Variants in ST8SIA6 observed in about 807,000 individuals in gnomAD.
The protein encoded by ST8SIA6 is ST8 alpha-N-acetyl-neuraminide alpha-2,8-sialyltransferase 6.
A neutral mutation model predicts 33.6 loss-of-function variants in ST8SIA6; 39 were observed. The observed-to-expected ratio is 1.16, with a 90% confidence interval of 0.90 to 1.52. The LOEUF (loss-of-function observed/expected upper bound fraction) is 1.52. ST8SIA6 is among the 40% of genes most tolerant of loss of function. ST8SIA6 has a pLI of 0.00. For synonymous variants in ST8SIA6, 172 were observed against 167.2 expected (o/e 1.03, Z -0.22); for missense variants, 441 against 443.8 (o/e 0.99, Z 0.06).
intron 2 of ST8SIA6, chr10:17,409,856 C>G (rs1851393461): frequency 6.5e-6 from 1 of 152,708 alleles, no homozygotes; most frequent in South Asian, 2.1e-4. Flanking sequence ...GCCTGGACAA[C>G]AAGAGCGAAA....
intron 2 of ST8SIA6, among the ~76,000 whole-genome samples, chr10:17,412,725 A>C (rs1259166238): frequency 6.6e-6 from 1 of 152,226 alleles, no homozygotes; most frequent in Non-Finnish European, 1.5e-5. Context: ...AAAAGTATAT[A>C]TGGTAATATA....
chr10:17,376,266 A>G (rs1588857815), intron 3 of ST8SIA6, among the ~76,000 whole-genome samples: 2 of 152,334 alleles, frequency 1.3e-5, no homozygotes, highest in East Asian at 1.9e-4. Context: ...GGAAGGAACC[A>G]GTATCCCTGA....
intron 2 of ST8SIA6, among the ~76,000 whole-genome samples, chr10:17,406,266 A>G (rs923084869): frequency 6.6e-6 from 1 of 152,142 alleles, no homozygotes; most frequent in Non-Finnish European, 1.5e-5. Context: ...CAGGATGTAA[A>G]TTCTCCTTTA....
intron 2 of ST8SIA6, among the ~76,000 whole-genome samples, chr10:17,398,122 T>TTCAAGCCCAGGCTTGTCAACATGG (rs1339014810): frequency 2.7e-5 from 4 of 150,116 alleles, no homozygotes; most frequent in Non-Finnish European, 5.9e-5. Flanking sequence ...AGGTCAGGAG[T>TTCAAGCCCAGGCTTGTCAACATGG]TCAAGCCCAG....
At chr10:17,453,537 C>T (rs895548941) in intron 2 of ST8SIA6, 22 bp downstream of exon 2, 1 of 1,284,428 alleles carries the variant, frequency 7.8e-7, no homozygotes. Flanking sequence ...CCCCAGTCCG[C>T]CCGCGCTGGG....
At chr10:17,335,689 A>G (rs1284410990) in intron 4 of ST8SIA6, among the ~76,000 whole-genome samples, 1 of 152,246 alleles carries the variant, frequency 6.6e-6, no homozygotes, top group African/African-American at 2.4e-5. Context: ...TGTGTAGTCA[A>G]AAACATGATA....
At chr10:17,371,286 G>C (rs1849723565) in intron 3 of ST8SIA6, among the ~76,000 whole-genome samples, 1 of 152,184 alleles carries the variant, frequency 6.6e-6, no homozygotes, top group African/African-American at 2.4e-5. Context: ...TTCCAGGAAA[G>C]CTCTGACTGG....
intron 4 of ST8SIA6, among the ~76,000 whole-genome samples, chr10:17,345,860 C>A (rs983652239): frequency 6.6e-6 from 1 of 152,158 alleles, no homozygotes; most frequent in Non-Finnish European, 1.5e-5. Context: ...GGCAATGACA[C>A]AGTGTTGCAG....
intron 2 of ST8SIA6, among the ~76,000 whole-genome samples, chr10:17,415,224 A>G (rs572933617): frequency 1.3e-5 from 2 of 152,342 alleles, no homozygotes; most frequent in South Asian, 4.1e-4. Context: ...TGGGACTCAG[A>G]AAATGAAAGC....
chr10:17,388,517 G>A (rs1384161247), intron 3 of ST8SIA6, among the ~76,000 whole-genome samples: 4 of 152,192 alleles, frequency 2.6e-5, no homozygotes, highest in Non-Finnish European at 4.4e-5. Flanking sequence ...GTGTGTGAGA[G>A]AGAGAGAAAG....
intron 4 of ST8SIA6, among the ~76,000 whole-genome samples, chr10:17,358,655 G>A (rs916312115): frequency 2.1e-4 from 15 of 71,462 alleles, no homozygotes; most frequent in Admixed American, 1.7e-3. Flanking sequence ...AAAAGAATAA[G>A]GAGGAGGAGG....
rs1233038716 is a variant in ST8SIA6, at chr10:17,321,285, C to A, written c.790G>T (p.Ala264Ser). 1 of 1,613,820 alleles carries A rather than the reference C, an allele frequency of 6.2e-7. No homozygotes were observed. Among genetic ancestry groups the A allele is most frequent in the Non-Finnish European group, 8.5e-7 (1 of 1,179,924 alleles). ...FLEDIATYGD[A>S]FFLLPAFSFR... ...GAAAATGCTGGCAGAAGAAAAAATG[C>A]ATCTCCATAGGTTGCAATGTCCTCC... is the stretch of plus-strand genomic sequence containing the variant. The change falls in exon 8 of 8, where the codon GCA becomes TCA. Residue 264 changes from alanine to serine, a missense_variant. By Grantham distance (99) the Ala-to-Ser change is moderately conservative (BLOSUM62 1). Coordinates refer to ENST00000377602, the MANE Select transcript of ST8SIA6 (RefSeq NM_001004470.3).
At chr10:17,398,266 G>T (rs767377511) in intron 2 of ST8SIA6, among the ~76,000 whole-genome samples, 35 of 151,990 alleles carry the variant, frequency 2.3e-4, no homozygotes, top group Non-Finnish European at 4.7e-4. Context: ...GGCAGAGGTT[G>T]CAGTGAGCCG....
Position 17,321,218 on chromosome 10 carries a change from G to A in ST8SIA6, c.857C>T (p.Thr286Met), listed in dbSNP as rs143125437. The A allele has an allele frequency of 1.5e-4, 235 of 1,614,002 alleles. No homozygotes were observed. The highest frequency in any genetic ancestry group is 1.1e-3 in the South Asian group (102 of 91,072). The stretch of plus-strand genomic sequence containing the variant: ...TTGTCTTGCTTTAGACTCTTCGAGC[G>A]TGTAGTATACTTTGAAAGAGGTACC... ...NTGTSFKVYY[T>M]LEESKARQKV... Residue 286 changes from threonine to methionine, a missense_variant, in exon 8 of 8, where the codon ACG becomes ATG. Physicochemically the swap from Thr to Met is moderately conservative, Grantham distance 81. Transcript: ENST00000377602.
At chr10:17,407,516 A>G (rs1344860582) in intron 2 of ST8SIA6, among the ~76,000 whole-genome samples, 1 of 152,162 alleles carries the variant, frequency 6.6e-6, no homozygotes, top group Non-Finnish European at 1.5e-5. Context: ...TCCCCACCTT[A>G]GACCATCCTA....
intron 4 of ST8SIA6, among the ~76,000 whole-genome samples, chr10:17,342,091 G>A (rs990235013): frequency 3.9e-5 from 6 of 152,128 alleles, no homozygotes; most frequent in African/African-American, 1.4e-4. Context: ...GCCATTTGAT[G>A]ATAGCAGCCC....
At chr10:17,380,912 TTTGTGC>T (rs544287231) in intron 3 of ST8SIA6, among the ~76,000 whole-genome samples, 5,707 of 136,472 alleles carry the variant, frequency 0.042, 135 homozygotes, top group African/African-American at 0.067. Context: ...TATATGTGTG[TTTGTGC>T]GTGTGTGTGT....
chr10:17,374,936 T>C (rs772471582), intron 3 of ST8SIA6, among the ~76,000 whole-genome samples: 1 of 151,460 alleles, frequency 6.6e-6, no homozygotes, highest in Non-Finnish European at 1.5e-5. Flanking sequence ...TTTTTTCCAG[T>C]TTCATATATA....
At chr10:17,442,353 C>T (rs548980854) in intron 2 of ST8SIA6, among the ~76,000 whole-genome samples, 19 of 152,182 alleles carry the variant, frequency 1.2e-4, no homozygotes, top group Admixed American at 7.2e-4. Flanking sequence ...TAGTGATATA[C>T]GACAAAATCA....
Sources: allele counts gnomAD v4.1 joint callset (sites outside exome capture counted in the v4.1 genomes callset), GRCh38; gene constraint gnomAD v4.1.1; transcripts MANE v1.5; gene names NCBI Gene and HGNC (gene_info 2026-07-23, HGNC 2026-07-21).